Variants in EEFSEC observed in about 807,000 individuals in gnomAD.
EEFSEC encodes the protein eukaryotic elongation factor, selenocysteine-tRNA specific, also known as selenocysteine-specific elongation factor.
Under a neutral mutation model 42.1 loss-of-function variants are expected in EEFSEC, and 43 were observed. The ratio of observed to expected loss-of-function variants is 1.02; its 90% CI spans 0.80 to 1.32. The LOEUF (loss-of-function observed/expected upper bound fraction) is 1.32, where lower values mean the gene tolerates loss of function less well. EEFSEC is among the 40% of genes most tolerant of loss of function. The pLI is 0.00. For missense variants in EEFSEC, 745 were observed against 803.6 expected (o/e 0.93, Z 0.88); for synonymous variants, 354 against 339.1 (o/e 1.04, Z -0.48).
chr3:128,418,667 T>G, the EEFSEC span, among the ~76,000 whole-genome samples: 37 of 151,594 alleles, frequency 2.4e-4, no homozygotes, highest in Admixed American at 7.9e-4. Flanking sequence ...CCCCCAACTT[T>G]GCCCAGCACC....
At chr3:128,238,650 G>A (rs1302433916) in intron 1 of EEFSEC, among the ~76,000 whole-genome samples, 2 of 152,114 alleles carry the variant, frequency 1.3e-5, no homozygotes, top group East Asian at 1.9e-4. Context: ...CACCATGCCC[G>A]GCTAATTTTT....
intron 4 of EEFSEC, among the ~76,000 whole-genome samples, chr3:128,302,915 C>T (rs2066785921): frequency 6.6e-6 from 1 of 152,058 alleles, no homozygotes; most frequent in South Asian, 2.1e-4. Context: ...CATAAATACC[C>T]TGTTATATGG....
At chr3:128,355,110 T>A (rs1381921931) in intron 5 of EEFSEC, among the ~76,000 whole-genome samples, 1 of 152,208 alleles carries the variant, frequency 6.6e-6, no homozygotes, top group Non-Finnish European at 1.5e-5. Context: ...ACTAGTGCAG[T>A]TGGCCTCCTC....
chr3:128,384,985 TG>T (rs1284402598), intron 6 of EEFSEC, among the ~76,000 whole-genome samples: 6 of 152,278 alleles, frequency 3.9e-5, no homozygotes, highest in African/African-American at 1.4e-4. Flanking sequence ...TTTGTTTGAA[TG>T]TGGGGAAGAC....
At chr3:128,195,492 G>T (rs111726672) in intron 1 of EEFSEC, among the ~76,000 whole-genome samples, 19 of 152,144 alleles carry the variant, frequency 1.2e-4, no homozygotes, top group African/African-American at 4.3e-4. Flanking sequence ...CAGATAAAAG[G>T]ACACTCCAAA....
chr3:128,261,874 G>A (rs1259632619), intron 2 of EEFSEC, among the ~76,000 whole-genome samples: 1 of 152,178 alleles, frequency 6.6e-6, no homozygotes, highest in African/African-American at 2.4e-5. Flanking sequence ...GAAAGTGGAG[G>A]TTAATATCTA....
intron 6 of EEFSEC, among the ~76,000 whole-genome samples, chr3:128,373,794 A>C (rs1292633478): frequency 6.6e-6 from 1 of 152,178 alleles, no homozygotes; most frequent in East Asian, 1.9e-4. Flanking sequence ...TCCAGGTATC[A>C]CATGCATATC....
At chr3:128,155,854 G>A (rs1944372642) in intron 1 of EEFSEC, among the ~76,000 whole-genome samples, 1 of 152,222 alleles carries the variant, frequency 6.6e-6, no homozygotes, top group Admixed American at 6.5e-5. Context: ...GTTTGAAGAA[G>A]TGAAGGGACT....
chr3:128,380,997 T>C (rs1425053563), intron 6 of EEFSEC, among the ~76,000 whole-genome samples: 1 of 152,224 alleles, frequency 6.6e-6, no homozygotes, highest in Non-Finnish European at 1.5e-5. Context: ...TCAGCCTGGT[T>C]TCTTGGAGGC....
At chr3:128,204,212 T>C (rs2065669783) in intron 1 of EEFSEC, among the ~76,000 whole-genome samples, 1 of 152,228 alleles carries the variant, frequency 6.6e-6, no homozygotes, top group African/African-American at 2.4e-5. Flanking sequence ...TTTGGGATCT[T>C]AAGCTGGTGA....
intron 6 of EEFSEC, among the ~76,000 whole-genome samples, chr3:128,393,906 C>G (rs1048253608): frequency 3.3e-5 from 5 of 151,870 alleles, no homozygotes; most frequent in Admixed American, 6.6e-5. Context: ...CCCATTTGGT[C>G]ACATAGGCCT....
At chr3:128,255,075 A>G (rs2066227933) in intron 2 of EEFSEC, among the ~76,000 whole-genome samples, 1 of 152,218 alleles carries the variant, frequency 6.6e-6, no homozygotes, top group Non-Finnish European at 1.5e-5. Context: ...GCCAGGAGGC[A>G]GCCTGATGGC....
intron 1 of EEFSEC, among the ~76,000 whole-genome samples, chr3:128,184,451 C>G (rs1188529448): frequency 1.3e-5 from 2 of 152,190 alleles, no homozygotes; most frequent in Non-Finnish European, 2.9e-5. Flanking sequence ...GTTTATTTCA[C>G]TCGGCATAAT....
At chr3:128,297,961 CAGT>C (rs2066726347) in intron 4 of EEFSEC, among the ~76,000 whole-genome samples, 1 of 152,200 alleles carries the variant, frequency 6.6e-6, no homozygotes, top group Non-Finnish European at 1.5e-5. Flanking sequence ...TGAAGCCAGT[CAGT>C]AGGCCCTGGG....
chr3:128,242,618 A>G (rs887287390), intron 1 of EEFSEC, among the ~76,000 whole-genome samples: 1 of 152,210 alleles, frequency 6.6e-6, no homozygotes. Flanking sequence ...AAGGAAAATT[A>G]CACCTCACAG....
chr3:128,410,615 A>G (rs1303619037), downstream of EEFSEC, among the ~76,000 whole-genome samples: 1 of 152,174 alleles, frequency 6.6e-6, no homozygotes, highest in Non-Finnish European at 1.5e-5. Flanking sequence ...CTCATGCCTC[A>G]GTGTCCCCAT....
chr3:128,378,611 G>T (rs1042356445), intron 6 of EEFSEC, among the ~76,000 whole-genome samples: 1 of 152,176 alleles, frequency 6.6e-6, no homozygotes, highest in Non-Finnish European at 1.5e-5. Flanking sequence ...GTGGTCTGGG[G>T]GCCTGGTGAG....
At chr3:128,211,238 AGGAAGG>A (rs2065753116) in intron 1 of EEFSEC, among the ~76,000 whole-genome samples, 1 of 152,136 alleles carries the variant, frequency 6.6e-6, no homozygotes, top group Non-Finnish European at 1.5e-5. Flanking sequence ...ACAGAAATGT[AGGAAGG>A]CTATTTATTA....
rs1027354753 is a variant in EEFSEC, at chr3:128,202,372, G to C, written c.317-44464G>C. Among the ~76,000 whole-genome samples the C allele has an allele frequency of 2.0e-5, 3 of 152,218 alleles. 1 individual carries two copies. The East Asian group carries it at 5.8e-4, about 29-fold the overall frequency. On this transcript the variant is annotated intron_variant, in intron 1 of 6. Coordinates refer to ENST00000254730, the MANE Select transcript of EEFSEC (RefSeq NM_021937.5). ...GTATTTTTAAGTTTTTAGTATAGAGGTCTTGTACATATGTTGTTAAATTTA... is the reference window on the plus strand; with the variant it reads ...GTATTTTTAAGTTTTTAGTATAGAGCTCTTGTACATATGTTGTTAAATTTA...
Sources: gnomAD v4.1 joint callset for allele counts (sites outside exome capture counted in the v4.1 genomes callset) on GRCh38, gnomAD v4.1.1 for gene constraint, MANE v1.5 for transcripts, NCBI Gene and HGNC (gene_info 2026-07-23, HGNC 2026-07-21) for gene names.